Variants in DLGAP3 observed in about 807,000 individuals in gnomAD.
DLGAP3 encodes the protein disks large-associated protein 3.
A neutral mutation model predicts 81.2 loss-of-function variants in DLGAP3; 17 were observed. The observed-to-expected ratio is 0.21, with a 90% CI of 0.14 to 0.31. The LOEUF (loss-of-function observed/expected upper bound fraction) is 0.31, where lower values mean the gene tolerates loss of function less well. Among genes scored for constraint, DLGAP3 ranks in the 10% least tolerant of loss-of-function variants. The pLI, the probability that DLGAP3 is intolerant of heterozygous loss-of-function variation, is 1.00. For synonymous variants in DLGAP3, 577 were observed against 587.4 expected, an observed-to-expected ratio of 0.98 and a Z score of 0.26; for missense variants, 1,124 against 1,388.0, an observed-to-expected ratio of 0.81 and a Z score of 3.02.
chr1:34,902,784 G>A lies in DLGAP3; in HGVS notation c.1107+1493C>T, dbSNP rs1639482635. Reference sequence around the variant, plus strand: ...GCTCCTCTGCAGGACACTGTGAGGTGCATGTTAAAAAGGAAGCCCCCAGGG... The same window carrying A: ...GCTCCTCTGCAGGACACTGTGAGGTACATGTTAAAAAGGAAGCCCCCAGGG... On this transcript the variant is annotated intron_variant, in intron 3 of 11. Transcript: ENST00000373347. This position sits in a 1 kb window ranked among gnomAD's most constrained non-coding sequence, Gnocchi z 4.4. 6.6e-6 allele frequency among the ~76,000 whole-genome samples: 1 copy of A among 152,130 alleles called. No homozygotes were observed. Among genetic ancestry groups the A allele is most frequent in the South Asian group, 2.1e-4 (1 of 4,830 alleles).
chr1:34,911,922 T>G (rs1051790678), intron 1 of DLGAP3, among the ~76,000 whole-genome samples: 1 of 152,210 alleles, frequency 6.6e-6, no homozygotes, highest in Non-Finnish European at 1.5e-5. Context: ...TTTCCTTTCT[T>G]GAGACCTAGG....
In DLGAP3 at chr1:34,867,337, G is replaced by A. The variant is rs543474541; in HGVS notation, c.2578-146C>T. ...GGCTGGGAGACAGGGGGACAAGAGC[G>A]AGCCCAGGACTCCCCTTCTTGTGCA... is the stretch of plus-strand genomic sequence containing the variant. On this transcript the variant is annotated intron_variant, in intron 10 of 11. Transcript: ENST00000373347. This position sits in a 1 kb window ranked among gnomAD's most constrained non-coding sequence, Gnocchi z 4.3. 30 of 1,272,974 alleles carry A rather than the reference G, an allele frequency of 2.4e-5. No homozygotes were observed. The highest frequency in any genetic ancestry group is 3.1e-5 in the Non-Finnish European group (27 of 881,590). The allele number at this position is 1,272,974 out of a possible 1,614,324, so 78.9% of individuals were successfully genotyped here. A position where few individuals can be genotyped will look rare whatever the true frequency, so the allele number is the denominator to read the frequency against.
At chr1:34,872,462 G>A (rs1028295372) in intron 8 of DLGAP3, among the ~76,000 whole-genome samples, 1 of 152,158 alleles carries the variant, frequency 6.6e-6, no homozygotes, top group East Asian at 1.9e-4. Context: ...TGTTTTGGGT[G>A]CTTCTTGCTT....
At chr1:34,866,688 C>G (rs989710524) in intron 11 of DLGAP3, among the ~76,000 whole-genome samples, 1 of 152,180 alleles carries the variant, frequency 6.6e-6, no homozygotes, top group African/African-American at 2.4e-5. Flanking sequence ...GCTGAGGGGA[C>G]CCTCAAGGCT....
intron 8 of DLGAP3, among the ~76,000 whole-genome samples, chr1:34,872,126 C>G (rs768443454): frequency 2.6e-5 from 4 of 152,102 alleles, no homozygotes; most frequent in Non-Finnish European, 5.9e-5. Context: ...GACGGTGCAG[C>G]TCATAGAGGA....
intron 5 of DLGAP3, 84 bp from the exon 6 acceptor site, chr1:34,886,369 C>A (rs1639230212): frequency 7.7e-7 from 1 of 1,294,340 alleles, no homozygotes; most frequent in South Asian, 1.5e-5. Flanking sequence ...TAGGGGAAGA[C>A]CTCTCTATAT....
chr1:34,868,393 G>C lies in DLGAP3; in HGVS notation c.2485+212C>G, dbSNP rs1638919118. The stretch of plus-strand genomic sequence containing the variant: ...TGCAGTCCCAGCCCTGGCCTCTAAA[G>C]CTGCACCATGTGCACCCTGCTCCCT... On this transcript the variant is annotated intron_variant, in intron 9 of 11. Transcript: ENST00000373347. This position sits in a 1 kb window ranked among gnomAD's most constrained non-coding sequence, Gnocchi z 7.5. Among the ~76,000 whole-genome samples the C allele has an allele frequency of 6.6e-6, 1 of 152,204 alleles. No individual in the cohort carries two copies. The highest frequency in any genetic ancestry group is 1.5e-5 in the Non-Finnish European group (1 of 68,034).
At chr1:34,899,400 G>GC (rs918612994) in intron 5 of DLGAP3, among the ~76,000 whole-genome samples, 9 of 152,230 alleles carry the variant, frequency 5.9e-5, no homozygotes, top group African/African-American at 1.9e-4. Flanking sequence ...CAAGGAGGGA[G>GC]CAATCAGGCC....
intron 5 of DLGAP3, among the ~76,000 whole-genome samples, chr1:34,893,065 G>A (rs868613709): frequency 3.0e-4 from 46 of 151,564 alleles, no homozygotes; most frequent in African/African-American, 9.4e-4. Flanking sequence ...CCAGCTACTC[G>A]GGAGGCTGAG....
At chr1:34,888,711 T>C (rs927939385) in intron 5 of DLGAP3, among the ~76,000 whole-genome samples, 1 of 150,836 alleles carries the variant, frequency 6.6e-6, no homozygotes, top group East Asian at 1.9e-4. Context: ...CATATTTGAC[T>C]GACACAAGCC....
intron 5 of DLGAP3, among the ~76,000 whole-genome samples, chr1:34,898,832 C>T (rs1469638043): frequency 6.6e-6 from 1 of 152,222 alleles, no homozygotes; most frequent in African/African-American, 2.4e-5. Context: ...AGATATGGAA[C>T]TCACATTTAT....
At chr1:34,909,332 C>T (rs1182243069) in intron 1 of DLGAP3, among the ~76,000 whole-genome samples, 1 of 152,234 alleles carries the variant, frequency 6.6e-6, no homozygotes, top group Non-Finnish European at 1.5e-5. Context: ...CACCCCTCAA[C>T]TCCTTTACCC....
chr1:34,916,249 A>G (rs1255855633), intron 1 of DLGAP3, among the ~76,000 whole-genome samples: 1 of 152,130 alleles, frequency 6.6e-6, no homozygotes, highest in African/African-American at 2.4e-5. Context: ...GGCTTTCCTA[A>G]AGAGGTGGGA....
In DLGAP3 at chr1:34,901,268, A is replaced by G. The variant is rs188774331; in HGVS notation, c.1108-995T>C. Among the ~76,000 whole-genome samples, 98 of 152,266 alleles carry G rather than the reference A, an allele frequency of 6.4e-4. 5 individuals are homozygous for G. The East Asian group carries it at 0.018, about 28-fold the overall frequency. On this transcript the variant is annotated intron_variant, in intron 3 of 11. Coordinates refer to ENST00000373347, the MANE Select transcript of DLGAP3 (RefSeq NM_001080418.3). ...ATGAGCAGAGATCCACTGACATTTA[A>G]AAAGGGACTGTGAAGAAAGGAAGAG... is the stretch of plus-strand genomic sequence containing the variant.
chr1:34,881,129 T>C (rs371335921), intron 8 of DLGAP3, among the ~76,000 whole-genome samples: 1 of 152,248 alleles, frequency 6.6e-6, no homozygotes, highest in East Asian at 1.9e-4. Flanking sequence ...TATTATGATA[T>C]ATCACTTATG....
chr1:34,884,156 T>C (rs1639184930), intron 8 of DLGAP3, among the ~76,000 whole-genome samples: 1 of 152,024 alleles, frequency 6.6e-6, no homozygotes. Flanking sequence ...TGGCCTCAAG[T>C]GATCCACCCA....
At position 34,870,713 on chromosome 1, in the gene DLGAP3, C is replaced by T. The variant is rs528696966; in HGVS notation, c.2001-1624G>A. On this transcript the variant is annotated intron_variant, in intron 8 of 11. Transcript: ENST00000373347. ...TCATTGCCTCCCACACAGTCTTCCC[C>T]TCAGTGTCTGCCCTGTCCTGCCCTG... Among the ~76,000 whole-genome samples, 4 of 152,322 alleles carry T rather than the reference C, an allele frequency of 2.6e-5. No individual in the cohort carries two copies. The South Asian group carries it at 6.2e-4, about 24-fold the overall frequency.
At chr1:34,871,671 T>C (rs1638982264) in intron 8 of DLGAP3, among the ~76,000 whole-genome samples, 1 of 152,248 alleles carries the variant, frequency 6.6e-6, no homozygotes, top group African/African-American at 2.4e-5. Context: ...CCTGATGATC[T>C]GCCACACCTG....
intron 5 of DLGAP3, among the ~76,000 whole-genome samples, chr1:34,894,338 G>A (rs1381408558): frequency 6.8e-6 from 1 of 146,506 alleles, no homozygotes; most frequent in East Asian, 2.0e-4. Flanking sequence ...ACAGTTGAAA[G>A]TAAAAGAATG....
Sources: allele counts gnomAD v4.1 joint callset (sites outside exome capture counted in the v4.1 genomes callset), GRCh38; gene constraint gnomAD v4.1.1; non-coding constraint Gnocchi (gnomAD v3.1); transcripts MANE v1.5; gene names NCBI Gene and HGNC (gene_info 2026-07-23, HGNC 2026-07-21).